Variants in BCL2 observed in about 807,000 individuals in gnomAD.
BCL2 encodes BCL2 apoptosis regulator, also known as apoptosis regulator Bcl-2.
Under a neutral mutation model 14.2 loss-of-function variants are expected in BCL2, and 1 was observed. The observed-to-expected ratio is 0.07, with a 90% CI of 0.02 to 0.33. BCL2 has a LOEUF of 0.33. Among genes scored for constraint, BCL2 ranks in the 10% least tolerant of loss-of-function variants. The pLI is 0.99. For missense variants in BCL2, 247 were observed against 305.9 expected, an observed-to-expected ratio of 0.81 and a Z score of 1.44; for synonymous variants, 151 against 137.2, an observed-to-expected ratio of 1.10 and a Z score of -0.70.
rs1158861012 is a variant in BCL2 at position 63,153,165 on chromosome 18, TCTC to T, written c.586-24409_586-24407del. Among the ~76,000 whole-genome samples, 11 of 152,308 alleles carry T rather than the reference TCTC, an allele frequency of 7.2e-5. No homozygotes were observed. In the East Asian group the frequency reaches 2.1e-3, roughly 29 times the overall value. On this transcript the variant is annotated intron_variant, in intron 2 of 2. Coordinates refer to ENST00000333681, the MANE Select transcript of BCL2 (RefSeq NM_000633.3). ...TCAATGAGTTGAATGAGTTATCAGT[TCTC>T]CTCTCGTTCTCTGCAATGCTTAAAT...
intron 2 of BCL2, among the ~76,000 whole-genome samples, chr18:63,253,332 G>T (rs1289717617): frequency 6.6e-6 from 1 of 152,206 alleles, no homozygotes; most frequent in Admixed American, 6.5e-5. Context: ...GATCGCCTAC[G>T]AAGTCTGCTG....
intron 2 of BCL2, among the ~76,000 whole-genome samples, chr18:63,295,739 C>A (rs549046512): frequency 1.3e-5 from 2 of 152,234 alleles, no homozygotes; most frequent in South Asian, 4.1e-4. Flanking sequence ...AGAACTGCAC[C>A]TCCCCAACCT....
chr18:63,244,249 G>A (rs1038704812), intron 2 of BCL2, among the ~76,000 whole-genome samples: 2 of 152,052 alleles, frequency 1.3e-5, no homozygotes, highest in Non-Finnish European at 2.9e-5. Context: ...GTGGTGGCAG[G>A]CACCTGTAAT....
At chr18:63,200,720 T>C (rs1265765371) in intron 2 of BCL2, among the ~76,000 whole-genome samples, 3 of 152,160 alleles carry the variant, frequency 2.0e-5, no homozygotes, top group Non-Finnish European at 2.9e-5. Context: ...GGGAGAAAAC[T>C]CATCAACTCC....
At chr18:63,163,203 C>A (rs769703604) in intron 2 of BCL2, among the ~76,000 whole-genome samples, 1 of 152,174 alleles carries the variant, frequency 6.6e-6, no homozygotes, top group Non-Finnish European at 1.5e-5. Context: ...ACCTTCATCA[C>A]CCAAATCTTA....
intron 2 of BCL2, among the ~76,000 whole-genome samples, chr18:63,252,958 C>T (rs1266278731): frequency 6.6e-6 from 1 of 152,198 alleles, no homozygotes; most frequent in African/African-American, 2.4e-5. Context: ...AGGTTCCTAA[C>T]ATCTGCTATT....
rs1241412160 is a variant in BCL2 at position 63,318,473 on chromosome 18, G to A, written c.194C>T (p.Pro65Leu). The A allele has an allele frequency of 4.1e-6, 6 of 1,471,712 alleles. No individual in the cohort carries two copies. Among genetic ancestry groups the A allele is most frequent in the Non-Finnish European group, 4.5e-6 (5 of 1,123,448 alleles). 91.2% of individuals were successfully genotyped at this position (1,471,712 alleles called of 1,614,324 possible). ...CTGCAGCGGCGAGGTCCTGGCGACC[G>A]GGTCCCGGGATGCGGCTGGATGGGG... is the stretch of plus-strand genomic sequence containing the variant. Reference protein sequence around the residue: ...HTPHPAASRDPVARTSPLQTP... With the variant: ...HTPHPAASRDLVARTSPLQTP... The change falls in exon 2 of 3, where the codon CCG (proline) becomes CTG (leucine). Residue 65 changes from proline (P) to leucine (L), a missense_variant. Around this residue, in one of 3 missense-constraint regions of BCL2, gnomAD observed 144 missense variants for 135.3 expected, o/e 1.06. Transcript: ENST00000333681. The surrounding 1 kb of genome is among the most constrained non-coding windows in gnomAD (Gnocchi z 7.4).
chr18:63,138,864 A>T lies in BCL2; in HGVS notation c.586-10105T>A, dbSNP rs181487480. ...TTCTGTTATGCAAATTTAGCTAAGA[A>T]TGCAAATCAGGCAGGGGCCCTCAGG... is the stretch of plus-strand genomic sequence containing the variant. On this transcript the variant is annotated intron_variant, in intron 2 of 2. Transcript: ENST00000333681. Among the ~76,000 whole-genome samples, 17 of 152,372 alleles carry T rather than the reference A, an allele frequency of 1.1e-4. No homozygotes were observed. The East Asian group carries it at 3.3e-3, about 29-fold the overall frequency.
At chr18:63,138,987 C>T (rs1914283169) in intron 2 of BCL2, among the ~76,000 whole-genome samples, 1 of 152,182 alleles carries the variant, frequency 6.6e-6, no homozygotes. Context: ...TGGCTTATGC[C>T]ATGGGCCAGG....
At chr18:63,181,279 C>T (rs1380866693) in intron 2 of BCL2, among the ~76,000 whole-genome samples, 1 of 152,182 alleles carries the variant, frequency 6.6e-6, no homozygotes. Flanking sequence ...TGGCACGCCT[C>T]GCATACCCCT....
chr18:63,212,121 T>A (rs573250566), intron 2 of BCL2, among the ~76,000 whole-genome samples: 58 of 151,506 alleles, frequency 3.8e-4, no homozygotes, highest in Non-Finnish European at 5.9e-4. Flanking sequence ...AGGTCAGGAG[T>A]TCGAGACCAT....
chr18:63,225,075 T>C (rs920733714), intron 2 of BCL2, among the ~76,000 whole-genome samples: 3 of 151,998 alleles, frequency 2.0e-5, no homozygotes, highest in Non-Finnish European at 4.4e-5. Flanking sequence ...AGATTACTAA[T>C]GTGATCAGCT....
intron 2 of BCL2, among the ~76,000 whole-genome samples, chr18:63,220,404 A>T (rs1370760009): frequency 6.6e-6 from 1 of 152,166 alleles, no homozygotes; most frequent in Admixed American, 6.5e-5. Flanking sequence ...TATCAGTGCT[A>T]TTGTCAGACA....
intron 2 of BCL2, among the ~76,000 whole-genome samples, chr18:63,289,368 A>G (rs1912575158): frequency 1.3e-5 from 2 of 152,190 alleles, no homozygotes; most frequent in Non-Finnish European, 1.5e-5. Flanking sequence ...GTGAGATCAG[A>G]TCTGGGCCTT....
intron 2 of BCL2, among the ~76,000 whole-genome samples, chr18:63,289,651 G>A (rs992065035): frequency 3.3e-5 from 5 of 152,070 alleles, no homozygotes; most frequent in South Asian, 4.2e-4. Context: ...CCCAGCCCTC[G>A]AGGAGGCCAA....
At chr18:63,236,911 T>C (rs1402943358) in intron 2 of BCL2, among the ~76,000 whole-genome samples, 1 of 152,246 alleles carries the variant, frequency 6.6e-6, no homozygotes, top group Non-Finnish European at 1.5e-5. Context: ...TCGAGGCCAG[T>C]GAAATTCTAG....
At chr18:63,229,516 GT>G (rs1429706483) in intron 2 of BCL2, among the ~76,000 whole-genome samples, 1 of 152,142 alleles carries the variant, frequency 6.6e-6, no homozygotes, top group African/African-American at 2.4e-5. Flanking sequence ...TATCCCCTTG[GT>G]GTCTTCTTTG....
intron 2 of BCL2, among the ~76,000 whole-genome samples, chr18:63,268,727 A>G (rs921009738): frequency 4.6e-5 from 7 of 152,224 alleles, no homozygotes; most frequent in Non-Finnish European, 1.0e-4. Flanking sequence ...AATATTATTC[A>G]CAAACTTTGT....
chr18:63,315,733 T>C (rs180802110), intron 2 of BCL2: 9 of 152,296 alleles, frequency 5.9e-5, no homozygotes, highest in Admixed American at 2.0e-4. Flanking sequence ...AAAATCTGTC[T>C]GTATGCCAAA....
Sources: gnomAD v4.1 joint callset for allele counts (sites outside exome capture counted in the v4.1 genomes callset) on GRCh38, gnomAD v4.1.1 for gene constraint, gnomAD v4.1.1 regional missense constraint, Gnocchi (gnomAD v3.1) non-coding constraint, MANE v1.5 for transcripts, NCBI Gene and HGNC (gene_info 2026-07-23, HGNC 2026-07-21) for gene names.